DDX60: variants seen among roughly 807,000 people sequenced by gnomAD.
DDX60 encodes the protein probable ATP-dependent RNA helicase DDX60.
Under a neutral mutation model 212.8 loss-of-function variants are expected in DDX60, and 165 were observed. That is an observed-to-expected ratio of 0.78 (90% CI 0.68 to 0.88). The LOEUF (loss-of-function observed/expected upper bound fraction) is 0.88. Ranked by LOEUF, DDX60 falls within the 40% of genes least tolerant of loss-of-function variation. The probability of loss-of-function intolerance (pLI) is 0.00; values close to 1 mark genes in which losing one functional copy is unlikely to be tolerated. For missense variants in DDX60, 1,905 were observed against 2,003.9 expected (o/e 0.95, Z 0.94); for synonymous variants, 703 against 685.3 (o/e 1.03, Z -0.40).
chr4:168,263,083 G>A (rs1347271741), intron 22 of DDX60, among the ~76,000 whole-genome samples: 1 of 152,212 alleles, frequency 6.6e-6, no homozygotes, highest in Non-Finnish European at 1.5e-5. Flanking sequence ...GAAGCTGAAA[G>A]ATTTGTGGAC....
rs151016512 is a variant in DDX60 at position 168,293,609 on chromosome 4, C to T, written c.882+178G>A. 1.8e-3 allele frequency among the ~76,000 whole-genome samples: 279 copies of T among 152,222 alleles called. 1 individual carries two copies. The highest frequency in any genetic ancestry group is 6.6e-3 in the African/African-American group (274 of 41,518). ...ACATGCACATAGTAAAACATTAAAT[C>T]ATTTAATGGCACAATAAGTGTTTCC... is the stretch of plus-strand genomic sequence containing the variant. On this transcript the variant is annotated intron_variant, in intron 7 of 37. Transcript: ENST00000393743.
intron 5 of DDX60, 22 bp from the exon 6 acceptor site, chr4:168,302,438 G>A: frequency 8.9e-7 from 1 of 1,127,502 alleles, no homozygotes; most frequent in Non-Finnish European, 1.2e-6. Flanking sequence ...AGAAAAATCA[G>A]AAAAGTTGTT....
intron 27 of DDX60, among the ~76,000 whole-genome samples, chr4:168,251,718 T>A (rs979347439): frequency 3.9e-5 from 6 of 152,206 alleles, no homozygotes; most frequent in African/African-American, 1.4e-4. Flanking sequence ...ATTAAAATGA[T>A]GATCGAAATA....
intron 33 of DDX60, among the ~76,000 whole-genome samples, chr4:168,228,875 CTTAATT>C (rs1371336787): frequency 6.6e-6 from 1 of 152,058 alleles, no homozygotes; most frequent in Non-Finnish European, 1.5e-5. Context: ...CTGAAAACAT[CTTAATT>C]TTATCTTTAT....
Position 168,307,238 on chromosome 4 carries a change from A to G in DDX60, c.265-518T>C, listed in dbSNP as rs1242829739. Among the ~76,000 whole-genome samples, 8 of 152,174 alleles carry G rather than the reference A, an allele frequency of 5.3e-5. 1 individual carries two copies. Among genetic ancestry groups the G allele is most frequent in the Admixed American group, 3.9e-4 (6 of 15,284 alleles). On this transcript the variant is annotated intron_variant, in intron 4 of 37. Coordinates refer to ENST00000393743, the MANE Select transcript of DDX60 (RefSeq NM_017631.6). ...CTGGCAAGCATTCAGCCATGTTCAGAAATGTAACAATAATTGAGACTGCAA... is the reference window on the plus strand; with the variant it reads ...CTGGCAAGCATTCAGCCATGTTCAGGAATGTAACAATAATTGAGACTGCAA...
intron 19 of DDX60, among the ~76,000 whole-genome samples, chr4:168,270,858 C>CTTTT (rs200092171): frequency 6.9e-6 from 1 of 145,308 alleles, no homozygotes; most frequent in Non-Finnish European, 1.5e-5. Context: ...AATATTCCCC[C>CTTTT]TTTTTTTTCT....
At chr4:168,217,633 AAAT>A (rs71588153) in intron 37 of DDX60, among the ~76,000 whole-genome samples, 21,078 of 152,144 alleles carry the variant, frequency 0.14, 1,944 homozygotes, top group Non-Finnish European at 0.21. Flanking sequence ...TGAGATAGGA[AAAT>A]AATCCTGGAT....
At chr4:168,310,212 A>C (rs1737069343) in intron 3 of DDX60, among the ~76,000 whole-genome samples, 1 of 152,104 alleles carries the variant, frequency 6.6e-6, no homozygotes, top group African/African-American at 2.4e-5. Context: ...ACTCGCCCCC[A>C]AACAAAATGT....
Position 168,293,857 on chromosome 4 carries a change from G to T in DDX60, c.812C>A (p.Ser271Tyr). 1 of 1,613,770 alleles carries T rather than the reference G, an allele frequency of 6.2e-7. No homozygotes were observed. Among genetic ancestry groups the T allele is most frequent in the Non-Finnish European group, 8.5e-7 (1 of 1,179,758 alleles). Residue 271 changes from serine (S) to tyrosine (Y), a missense_variant, in exon 7 of 38, where the codon TCT becomes TAT. Transcript: ENST00000393743. ...TAAAAAGCGATGGTACATTCTCAAAGATAATGAGCATGAAGTAACACAAAA... is the reference window on the plus strand; with the variant it reads ...TAAAAAGCGATGGTACATTCTCAAATATAATGAGCATGAAGTAACACAAAA... ...RVFCVTSCSLSLRMYHRFLGN... is the reference protein window; with the variant it reads ...RVFCVTSCSLYLRMYHRFLGN...
Position 168,224,233 on chromosome 4 carries a change from C to T in DDX60, c.4824+10G>A, listed in dbSNP as rs1733166412. The T allele has an allele frequency of 6.2e-7, 1 of 1,611,832 alleles. No individual in the cohort carries two copies. The highest frequency in any genetic ancestry group is 8.5e-7 in the Non-Finnish European group (1 of 1,178,584). Reference sequence around the variant, plus strand: ...ACAGCTTTTATTAATAAACCCCACTCTTCACTTACATGGTTTGGAGTTTCT... The same window carrying T: ...ACAGCTTTTATTAATAAACCCCACTTTTCACTTACATGGTTTGGAGTTTCT... On this transcript the variant is annotated intron_variant, in intron 35 of 37. Transcript: ENST00000393743.
At chr4:168,245,836 A>T (rs1199268041) in intron 30 of DDX60, among the ~76,000 whole-genome samples, 2 of 152,158 alleles carry the variant, frequency 1.3e-5, no homozygotes, top group East Asian at 3.9e-4. Context: ...ATTTACAACC[A>T]TATTTTGAAG....
At chr4:168,266,931 G>A (rs889044925) in intron 22 of DDX60, among the ~76,000 whole-genome samples, 2 of 152,106 alleles carry the variant, frequency 1.3e-5, no homozygotes, top group Non-Finnish European at 2.9e-5. Flanking sequence ...TAACATAACA[G>A]AATTTGGAAT....
In DDX60 at chr4:168,276,014, C is replaced by A; in HGVS notation, c.2145+1G>T. ...AAATTGAGCTATTCTGATAATATTA[C>A]CTGGGCTGGATGTAAAGAACTTGCC... On this transcript the variant is annotated splice_donor_variant, in intron 15 of 37. Coordinates refer to ENST00000393743, the MANE Select transcript of DDX60 (RefSeq NM_017631.6). LOFTEE classifies it high-confidence loss of function. 6.2e-7 allele frequency: 1 copy of A among 1,607,420 alleles called. No homozygotes were observed. Among genetic ancestry groups the A allele is most frequent in the Non-Finnish European group, 8.5e-7 (1 of 1,175,976 alleles).
rs527908369 is a variant in DDX60, at chr4:168,289,526, T to C, written c.1042-1211A>G. On this transcript the variant is annotated intron_variant, in intron 8 of 37. Coordinates refer to ENST00000393743, the MANE Select transcript of DDX60 (RefSeq NM_017631.6). Reference sequence around the variant, plus strand: ...AATAATTTCATCTCTTAGCATAGCATCAATTAACATCCACAGGGTAACAAT... The same window carrying C: ...AATAATTTCATCTCTTAGCATAGCACCAATTAACATCCACAGGGTAACAAT... Among the ~76,000 whole-genome samples, 67 of 152,318 alleles carry C rather than the reference T, an allele frequency of 4.4e-4. 4 individuals are homozygous for C. In the South Asian group the frequency reaches 0.013, roughly 30 times the overall value.
At chr4:168,270,377 G>A (rs1735036240) in intron 19 of DDX60, among the ~76,000 whole-genome samples, 1 of 152,174 alleles carries the variant, frequency 6.6e-6, no homozygotes, top group Non-Finnish European at 1.5e-5. Context: ...CTGCCCATCT[G>A]GGCTTGTACT....
chr4:168,317,016 C>G (rs755894352), intron 1 of DDX60, among the ~76,000 whole-genome samples: 15 of 146,144 alleles, frequency 1.0e-4, no homozygotes, highest in Non-Finnish European at 2.1e-4. Context: ...TGAGATCAAG[C>G]CACTGCATTC....
chr4:168,225,468 A>C (rs900868809), intron 34 of DDX60, 61 bp downstream of exon 34: 1 of 1,486,756 alleles, frequency 6.7e-7, no homozygotes, highest in East Asian at 2.3e-5. Context: ...AGAATAAACT[A>C]TTCTTAGGCA....
intron 17 of DDX60, among the ~76,000 whole-genome samples, 186 bp from the exon 18 acceptor site, chr4:168,273,584 T>C (rs506296): frequency 0.43 from 65,750 of 151,956 alleles, 14,973 homozygotes; most frequent in African/African-American, 0.6. Flanking sequence ...AGCACACAAA[T>C]CTCATTGATA....
At chr4:168,258,697 A>G (rs1734510703) in intron 25 of DDX60, among the ~76,000 whole-genome samples, 1 of 152,186 alleles carries the variant, frequency 6.6e-6, no homozygotes, top group Admixed American at 6.5e-5. Flanking sequence ...TATTTTAAGT[A>G]TGTGAAGGAT....
Sources: allele counts gnomAD v4.1 joint callset (sites outside exome capture counted in the v4.1 genomes callset), GRCh38; gene constraint gnomAD v4.1.1; transcripts MANE v1.5; gene names NCBI Gene and HGNC (gene_info 2026-07-23, HGNC 2026-07-21).